STK32B: variants seen among roughly 807,000 people sequenced by gnomAD.
STK32B encodes the protein serine/threonine-protein kinase 32B.
A neutral mutation model predicts 52.6 loss-of-function variants in STK32B; 43 were observed. That is an observed-to-expected ratio of 0.82 (90% confidence interval 0.64 to 1.05). STK32B has a LOEUF of 1.05. Among genes scored for constraint, STK32B ranks in the 50% least tolerant of loss-of-function variants. STK32B has a pLI of 0.00. For synonymous variants in STK32B, 238 were observed against 204.3 expected (o/e 1.17, Z -1.41); for missense variants, 621 against 534.6 (o/e 1.16, Z -1.59).
intron 3 of STK32B, among the ~76,000 whole-genome samples, chr4:5,210,720 C>T (rs2108785610): frequency 6.6e-6 from 1 of 152,202 alleles, no homozygotes; most frequent in South Asian, 2.1e-4. Context: ...AAAATCTATT[C>T]CTTGGAACAC....
intron 3 of STK32B, among the ~76,000 whole-genome samples, chr4:5,197,517 T>A (rs1721779966): frequency 6.6e-6 from 1 of 152,248 alleles, no homozygotes. Context: ...TTGGGAATTA[T>A]CTTTTTCATT....
intron 1 of STK32B, among the ~76,000 whole-genome samples, chr4:5,053,638 A>G (rs1341703586): frequency 2.0e-5 from 3 of 152,104 alleles, no homozygotes; most frequent in Non-Finnish European, 2.9e-5. Flanking sequence ...TCCTTATTCT[A>G]TAAGCAGATT....
chr4:5,465,456 A>G (rs1457033757), intron 9 of STK32B, among the ~76,000 whole-genome samples: 1 of 152,114 alleles, frequency 6.6e-6, no homozygotes, highest in Non-Finnish European at 1.5e-5. Context: ...ATTAGGGAGC[A>G]TGGCCAAGAC....
At chr4:5,408,735 T>G (rs2109060175) in intron 5 of STK32B, among the ~76,000 whole-genome samples, 2 of 152,134 alleles carry the variant, frequency 1.3e-5, no homozygotes, top group South Asian at 4.1e-4. Context: ...TGGAGAAACA[T>G]GTGACCTAGC....
chr4:5,438,988 A>C (rs1714419262), intron 6 of STK32B, among the ~76,000 whole-genome samples: 2 of 151,584 alleles, frequency 1.3e-5, no homozygotes, highest in South Asian at 4.2e-4. Context: ...ACATTTTCTT[A>C]ATCCAGTCTA....
At chr4:5,130,173 G>A (rs1715665841) in intron 1 of STK32B, among the ~76,000 whole-genome samples, 3 of 120,940 alleles carry the variant, frequency 2.5e-5, no homozygotes, top group African/African-American at 8.6e-5. Flanking sequence ...TTCTCCGGCG[G>A]GGGGAGGCCT....
At chr4:5,358,906 T>A (rs1734359862) in intron 4 of STK32B, among the ~76,000 whole-genome samples, 1 of 152,162 alleles carries the variant, frequency 6.6e-6, no homozygotes, top group South Asian at 2.1e-4. Context: ...TACTTTATGT[T>A]TTGCCTGGGC....
At chr4:5,212,890 G>A (rs976181522) in intron 3 of STK32B, among the ~76,000 whole-genome samples, 8 of 152,108 alleles carry the variant, frequency 5.3e-5, no homozygotes, top group Non-Finnish European at 1.0e-4. Context: ...ATCAATGATC[G>A]CAGGCAGAAG....
chr4:5,460,110 C>T lies in STK32B; in HGVS notation c.791C>T (p.Thr264Ile), dbSNP rs750469503. 1.2e-6 allele frequency: 2 copies of T among 1,614,220 alleles called. No individual in the cohort carries two copies. Among genetic ancestry groups the T allele is most frequent in the East Asian group, 4.5e-5 (2 of 44,896 alleles). The change falls in exon 9 of 12, where the codon ACC becomes ATC. Residue 264 changes from threonine to isoleucine, a missense_variant. Coordinates refer to ENST00000282908, the MANE Select transcript of STK32B (RefSeq NM_018401.3). The surrounding 1 kb of genome is among the most constrained non-coding windows in gnomAD (Gnocchi z 4.8). ...TTTGCCCTCTAACTGCAGCTCCTGA[C>T]CAAGGATCCTGAGAGCCGCGTGTCC... ...GMVALLRKLLTKDPESRVSSL... is the reference protein window; with the variant it reads ...GMVALLRKLLIKDPESRVSSL...
intron 4 of STK32B, among the ~76,000 whole-genome samples, chr4:5,344,446 T>C: frequency 6.6e-6 from 1 of 152,180 alleles, no homozygotes; most frequent in East Asian, 1.9e-4. Context: ...CCCATGTAAA[T>C]TAACTAACAG....
At chr4:5,090,174 G>C (rs1021594878) in intron 1 of STK32B, among the ~76,000 whole-genome samples, 10 of 145,646 alleles carry the variant, frequency 6.9e-5, no homozygotes, top group Non-Finnish European at 1.4e-4. Context: ...TGTTCACTCT[G>C]ATGCTAGTTT....
At chr4:5,418,828 C>G (rs533145017) in intron 6 of STK32B, among the ~76,000 whole-genome samples, 89 of 151,824 alleles carry the variant, frequency 5.9e-4, no homozygotes, top group African/African-American at 2.0e-3. Flanking sequence ...TAAACAGTGC[C>G]TAAAACCGCC....
intron 6 of STK32B, among the ~76,000 whole-genome samples, chr4:5,430,218 C>T (rs195124): frequency 1.5e-3 from 221 of 151,960 alleles, no homozygotes; most frequent in African/African-American, 5.1e-3. Context: ...TTTCAAAACC[C>T]GAAGTGAGAT....
At chr4:5,291,439 T>C (rs1045767668) in intron 3 of STK32B, among the ~76,000 whole-genome samples, 2 of 152,144 alleles carry the variant, frequency 1.3e-5, no homozygotes, top group African/African-American at 4.8e-5. Context: ...TTGTTTTCTG[T>C]ATTATATTTT....
At chr4:5,175,793 G>C (rs1719827978) in intron 3 of STK32B, among the ~76,000 whole-genome samples, 1 of 152,234 alleles carries the variant, frequency 6.6e-6, no homozygotes, top group Non-Finnish European at 1.5e-5. Flanking sequence ...CATATCTCCA[G>C]CTGCATGCTG....
At chr4:5,070,806 G>T (rs1000262267) in intron 1 of STK32B, among the ~76,000 whole-genome samples, 3 of 152,136 alleles carry the variant, frequency 2.0e-5, no homozygotes, top group African/African-American at 7.2e-5. Context: ...GGCCATCAGT[G>T]TCCTGAGCAC....
intron 3 of STK32B, among the ~76,000 whole-genome samples, chr4:5,179,040 C>G (rs1288024738): frequency 2.0e-5 from 3 of 152,220 alleles, no homozygotes; most frequent in African/African-American, 7.2e-5. Flanking sequence ...GAAGAAATAT[C>G]TGAGACTGGA....
chr4:5,239,242 G>C (rs1218375172), intron 3 of STK32B, among the ~76,000 whole-genome samples: 3 of 151,070 alleles, frequency 2.0e-5, no homozygotes, highest in Non-Finnish European at 4.4e-5. Context: ...TGGAGGGTTT[G>C]AACTAGCACA....
At chr4:5,244,453 T>G (rs1237173066) in intron 3 of STK32B, among the ~76,000 whole-genome samples, 1 of 152,234 alleles carries the variant, frequency 6.6e-6, no homozygotes, top group African/African-American at 2.4e-5. Context: ...TGCATCTATT[T>G]GATTCTTCTC....
Sources: gnomAD v4.1 joint callset for allele counts (sites outside exome capture counted in the v4.1 genomes callset) on GRCh38, gnomAD v4.1.1 for gene constraint, Gnocchi (gnomAD v3.1) non-coding constraint, MANE v1.5 for transcripts, NCBI Gene and HGNC (gene_info 2026-07-23, HGNC 2026-07-21) for gene names.